The following TTC28 variants were observed in gnomAD, a reference collection of about 807,000 sequenced individuals.
TTC28 encodes tetratricopeptide repeat domain 28.
A neutral mutation model predicts 198.0 loss-of-function variants in TTC28; 61 were observed. The ratio of observed to expected loss-of-function variants is 0.31; its 90% confidence interval spans 0.25 to 0.38. The LOEUF (loss-of-function observed/expected upper bound fraction) is 0.38, where lower values mean the gene tolerates loss of function less well. TTC28 is among the 10% of genes least tolerant of loss of function. The pLI, the probability that TTC28 is intolerant of heterozygous loss-of-function variation, is 1.00. For missense variants in TTC28, 2,678 were observed against 3,164.0 expected (o/e 0.85, Z 3.69); for synonymous variants, 1,171 against 1,297.8 (o/e 0.90, Z 2.10).
intron 5 of TTC28, among the ~76,000 whole-genome samples, chr22:28,271,761 C>A (rs201324820): frequency 2.0e-5 from 3 of 151,924 alleles, no homozygotes; most frequent in Non-Finnish European, 4.4e-5. Context: ...CCCGCCACCA[C>A]GTCCAGCTAA....
At chr22:28,439,026 C>T (rs557375770) in intron 2 of TTC28, among the ~76,000 whole-genome samples, 2 of 152,088 alleles carry the variant, frequency 1.3e-5, no homozygotes, top group Non-Finnish European at 2.9e-5. Flanking sequence ...CTACAGTCTG[C>T]ATCTATGAAT....
intron 2 of TTC28, among the ~76,000 whole-genome samples, chr22:28,307,239 T>C (rs2045164526): frequency 6.6e-6 from 1 of 152,236 alleles, no homozygotes; most frequent in South Asian, 2.1e-4. Flanking sequence ...TATTATCCTT[T>C]GTATTCTTTA....
intron 2 of TTC28, among the ~76,000 whole-genome samples, chr22:28,546,852 G>A (rs1438636954): frequency 1.3e-5 from 2 of 152,102 alleles, no homozygotes; most frequent in Non-Finnish European, 2.9e-5. Flanking sequence ...ACATCACAAT[G>A]AGCAAAAGAA....
intron 2 of TTC28, among the ~76,000 whole-genome samples, chr22:28,321,445 C>T (rs530781257): frequency 6.6e-6 from 1 of 152,250 alleles, no homozygotes; most frequent in South Asian, 2.1e-4. Context: ...ATTCTTAAGA[C>T]AAAAAGCTGA....
intron 2 of TTC28, among the ~76,000 whole-genome samples, chr22:28,594,791 T>C (rs930061412): frequency 1.3e-5 from 2 of 152,184 alleles, no homozygotes; most frequent in Non-Finnish European, 2.9e-5. Context: ...AAATATCTCT[T>C]GAAATCTTCA....
At chr22:28,085,071 A>T (rs1230196694) in intron 12 of TTC28, among the ~76,000 whole-genome samples, 1 of 152,148 alleles carries the variant, frequency 6.6e-6, no homozygotes, top group Non-Finnish European at 1.5e-5. Context: ...AATGGAACCA[A>T]GGTGGAAAAC....
intron 2 of TTC28, among the ~76,000 whole-genome samples, chr22:28,625,784 A>G (rs531382984): frequency 9.9e-5 from 15 of 152,178 alleles, no homozygotes; most frequent in Non-Finnish European, 1.9e-4. Flanking sequence ...ATACCTAATA[A>G]TCAGACTTAC....
At chr22:28,124,743 C>T (rs919932914) in intron 6 of TTC28, among the ~76,000 whole-genome samples, 1 of 152,196 alleles carries the variant, frequency 6.6e-6, no homozygotes, top group South Asian at 2.1e-4. Context: ...CAGTGATTTA[C>T]AAATCATCTC....
Position 28,070,931 on chromosome 22 carries a change from T to C in TTC28, c.3932+23149A>G, listed in dbSNP as rs922949094. On this transcript the variant is annotated intron_variant, in intron 12 of 22. Coordinates refer to ENST00000397906, the MANE Select transcript of TTC28 (RefSeq NM_001145418.2). The stretch of plus-strand genomic sequence containing the variant: ...AGTATGTCAACCCAACTTTGGGCTT[T>C]AGCTGCAAGCATCCATTGCTACTCG... Among the ~76,000 whole-genome samples the C allele has an allele frequency of 2.0e-5, 3 of 152,192 alleles. No homozygotes were observed. In the East Asian group the frequency reaches 5.8e-4, roughly 29 times the overall value.
At chr22:28,082,085 A>AC (rs1451611742) in intron 12 of TTC28, among the ~76,000 whole-genome samples, 1 of 152,058 alleles carries the variant, frequency 6.6e-6, no homozygotes. Context: ...AACACACTTG[A>AC]TTTTTGTTCA....
chr22:28,057,833 T>C (rs1940350923), intron 12 of TTC28, among the ~76,000 whole-genome samples: 1 of 152,176 alleles, frequency 6.6e-6, no homozygotes, highest in African/African-American at 2.4e-5. Flanking sequence ...TGTTCCAGCA[T>C]GATTTGTTGA....
chr22:28,619,570 T>C (rs766492190), intron 2 of TTC28, among the ~76,000 whole-genome samples: 1 of 152,220 alleles, frequency 6.6e-6, no homozygotes, highest in Admixed American at 6.5e-5. Flanking sequence ...AAGGAGAGCA[T>C]GTTTGTCAGC....
intron 5 of TTC28, among the ~76,000 whole-genome samples, chr22:28,178,289 T>C (rs1343110071): frequency 1.0e-5 from 1 of 97,548 alleles, no homozygotes; most frequent in African/African-American, 4.4e-5. Context: ...ACGCCGTCTC[T>C]ACTAATAAAT....
At chr22:28,537,297 A>AACTAAACTAAAC (rs1569008972) in intron 2 of TTC28, among the ~76,000 whole-genome samples, 1 of 98,172 alleles carries the variant, frequency 1.0e-5, no homozygotes, top group East Asian at 2.2e-4. Flanking sequence ...CGTCTCAAAA[A>AACTAAACTAAAC]TAAAATAAAA....
At chr22:28,532,234 G>A (rs867939067) in intron 2 of TTC28, among the ~76,000 whole-genome samples, 14 of 152,182 alleles carry the variant, frequency 9.2e-5, no homozygotes, top group Middle Eastern at 3.4e-3. Context: ...TACCACCACC[G>A]ATCCCACGGA....
At chr22:28,010,910 C>A (rs1295227415) in intron 14 of TTC28, among the ~76,000 whole-genome samples, 1 of 152,228 alleles carries the variant, frequency 6.6e-6, no homozygotes, top group African/African-American at 2.4e-5. Context: ...ACTTTACTGA[C>A]CGCCAACGTG....
chr22:28,609,296 G>A (rs535473886), intron 2 of TTC28, among the ~76,000 whole-genome samples: 1 of 152,292 alleles, frequency 6.6e-6, no homozygotes, highest in African/African-American at 2.4e-5. Context: ...CTGGCAAGAT[G>A]GCCAAATAGG....
chr22:28,520,385 T>A (rs757198029), intron 2 of TTC28, among the ~76,000 whole-genome samples: 8 of 152,186 alleles, frequency 5.3e-5, no homozygotes, highest in Non-Finnish European at 1.0e-4. Flanking sequence ...ATCAACTGCA[T>A]ATGTATGAAT....
chr22:28,358,143 T>G lies in TTC28; in HGVS notation c.382-51500A>C, dbSNP rs537258886. ...TCAATTTATTCTCAGTTTCCTAACTTGGTTATTAAATAATCTCCCTGAAAG... is the reference window on the plus strand; with the variant it reads ...TCAATTTATTCTCAGTTTCCTAACTGGGTTATTAAATAATCTCCCTGAAAG... On this transcript the variant is annotated intron_variant, in intron 2 of 22. Transcript: ENST00000397906. Among the ~76,000 whole-genome samples, 3 of 152,368 alleles carry G rather than the reference T, an allele frequency of 2.0e-5. No individual in the cohort carries two copies. In the South Asian group the frequency reaches 6.2e-4, roughly 32 times the overall value.
Sources: gnomAD v4.1 joint callset for allele counts (sites outside exome capture counted in the v4.1 genomes callset) on GRCh38, gnomAD v4.1.1 for gene constraint, MANE v1.5 for transcripts, NCBI Gene and HGNC (gene_info 2026-07-23, HGNC 2026-07-21) for gene names.